RPTOR: variants seen among roughly 807,000 people sequenced by gnomAD.
The protein encoded by RPTOR is regulatory-associated protein of mTOR.
Under a neutral mutation model 169.9 loss-of-function variants are expected in RPTOR, and 21 were observed. That is an observed-to-expected ratio of 0.12 (90% confidence interval 0.09 to 0.18). RPTOR has a LOEUF of 0.18. Ranked by LOEUF, RPTOR falls within the 10% of genes least tolerant of loss-of-function variation. The pLI is 1.00. For synonymous variants in RPTOR, 732 were observed against 753.2 expected, an observed-to-expected ratio of 0.97 and a Z score of 0.46; for missense variants, 1,133 against 1,855.9, an observed-to-expected ratio of 0.61 and a Z score of 7.16.
chr17:80,703,702 A>ACTGC (rs1425106909), intron 3 of RPTOR, among the ~76,000 whole-genome samples: 1 of 152,214 alleles, frequency 6.6e-6, no homozygotes, highest in Non-Finnish European at 1.5e-5. Flanking sequence ...GGGCCCCAGT[A>ACTGC]CTGCCGGAGG....
At chr17:80,745,565 CAT>C (rs1359847624) in intron 5 of RPTOR, among the ~76,000 whole-genome samples, 3 of 152,200 alleles carry the variant, frequency 2.0e-5, no homozygotes, top group African/African-American at 7.2e-5. Context: ...CTGTGTGTCA[CAT>C]GATAGATGCC....
chr17:80,832,900 C>A (rs73366901), intron 9 of RPTOR, among the ~76,000 whole-genome samples: 49 of 152,326 alleles, frequency 3.2e-4, no homozygotes, highest in Middle Eastern at 3.4e-3. Context: ...AAAGAGGGAA[C>A]AAAGCCTAAC....
intron 21 of RPTOR, among the ~76,000 whole-genome samples, chr17:80,913,754 G>A (rs1438058061): frequency 1.3e-5 from 2 of 152,150 alleles, no homozygotes; most frequent in African/African-American, 2.4e-5. Flanking sequence ...CACCTGGCCT[G>A]CTTTTAGGTT....
chr17:80,655,693 G>A (rs2065674454), intron 3 of RPTOR, among the ~76,000 whole-genome samples: 1 of 151,862 alleles, frequency 6.6e-6, no homozygotes, highest in Admixed American at 6.6e-5. Context: ...TCCTGCCTCA[G>A]CCTCAGGAGT....
intron 1 of RPTOR, among the ~76,000 whole-genome samples, chr17:80,605,993 C>T (rs560783721): frequency 6.4e-4 from 98 of 152,212 alleles, no homozygotes; most frequent in Non-Finnish European, 1.1e-3. Flanking sequence ...GTTTTCTATG[C>T]GTGTCTCTTA....
chr17:80,571,567 C>A (rs1486864334), intron 1 of RPTOR, among the ~76,000 whole-genome samples: 1 of 152,152 alleles, frequency 6.6e-6, no homozygotes, highest in African/African-American at 2.4e-5. Flanking sequence ...GTCTCCCAGA[C>A]TGGAGTGCGG....
At chr17:80,773,985 G>A (rs58119287) in intron 6 of RPTOR, 69 of 985,386 alleles carry the variant, frequency 7.0e-5, no homozygotes, top group South Asian at 6.1e-4. Flanking sequence ...CCCTCTTCTC[G>A]GGCTGTCAGA....
At position 80,726,460 on chromosome 17, in the gene RPTOR, C is replaced by T. The variant is rs1292510163; in HGVS notation, c.508-4100C>T. Among the ~76,000 whole-genome samples the T allele has an allele frequency of 7.9e-6, 1 of 127,276 alleles. No homozygotes were observed. Among genetic ancestry groups the T allele is most frequent in the Non-Finnish European group, 1.7e-5 (1 of 57,658 alleles). The allele number at this position is 127,276 out of a possible 152,430, so 83.5% of individuals were successfully genotyped here. A position where few individuals can be genotyped will look rare whatever the true frequency, so the allele number is the denominator to read the frequency against. On this transcript the variant is annotated intron_variant, in intron 4 of 33. Transcript: ENST00000306801. This position sits in a 1 kb window ranked among gnomAD's most constrained non-coding sequence, Gnocchi z 4.5. ...GGTTATGACGGATCATCTTCCTGAA[C>T]TTTGCATCTCAGAATTTAAAATGGA...
chr17:80,710,360 G>A (rs978720158), intron 4 of RPTOR, among the ~76,000 whole-genome samples: 15 of 152,072 alleles, frequency 9.9e-5, no homozygotes, highest in African/African-American at 3.6e-4. Flanking sequence ...GTGGAGTGAA[G>A]TGGGGACTGG....
At chr17:80,696,203 T>G (rs1232136301) in intron 3 of RPTOR, among the ~76,000 whole-genome samples, 1 of 152,156 alleles carries the variant, frequency 6.6e-6, no homozygotes, top group Non-Finnish European at 1.5e-5. Flanking sequence ...TGTTTTTTCA[T>G]TAAGAGATTT....
At chr17:80,798,688 G>A (rs574058094) in intron 7 of RPTOR, among the ~76,000 whole-genome samples, 15 of 152,306 alleles carry the variant, frequency 9.8e-5, no homozygotes, top group African/African-American at 3.6e-4. Context: ...CCTGGCCACA[G>A]GGCTGAGCCA....
intron 3 of RPTOR, among the ~76,000 whole-genome samples, chr17:80,687,727 A>G (rs2065959485): frequency 6.6e-6 from 1 of 152,118 alleles, no homozygotes. Context: ...GGTGTTGATG[A>G]TCTCCGAGGC....
At chr17:80,750,738 G>A (rs1028792416) in intron 5 of RPTOR, among the ~76,000 whole-genome samples, 1 of 152,150 alleles carries the variant, frequency 6.6e-6, no homozygotes, top group Non-Finnish European at 1.5e-5. Flanking sequence ...ATGGAGCCCA[G>A]AGCCCAGGAA....
intron 1 of RPTOR, among the ~76,000 whole-genome samples, chr17:80,568,909 G>A (rs918630448): frequency 6.4e-4 from 97 of 152,266 alleles, no homozygotes; most frequent in Middle Eastern, 3.4e-3. Context: ...GAACTCCTGG[G>A]CTGAAGTGAC....
In RPTOR at chr17:80,965,468, C is replaced by G. The variant is rs1484143634; in HGVS notation, c.*1138C>G. The G allele has an allele frequency of 8.6e-6, 2 of 233,388 alleles. No homozygotes were observed. The highest frequency in any genetic ancestry group is 4.4e-5 in the African/African-American group (2 of 45,486). 14.5% of individuals were successfully genotyped at this position (233,388 alleles called of 1,614,324 possible). ...TGTGGACAGTCCCGCCCAGGAGGGG[C>G]CGCAGGGCGTGTATGAGCAGTTTTG... On this transcript the variant is annotated 3_prime_UTR_variant, in exon 34 of 34. Transcript: ENST00000306801.
At chr17:80,908,759 G>T in intron 20 of RPTOR, 52 bp from the exon 21 acceptor site, 1 of 1,331,460 alleles carries the variant, frequency 7.5e-7, no homozygotes, top group South Asian at 1.2e-5. Flanking sequence ...CGCCTTAGGA[G>T]CCTCATTGGC....
In RPTOR at chr17:80,665,474, TTTCC is replaced by T. The variant is rs1567846504; in HGVS notation, c.348+21667_348+21670del. Reference sequence around the variant, plus strand: ...TTTCCTTTCCTTTCCTTTCCTTTCCTTTCCTTTCCTTTCCTTTCCTTTCCTTTCC... The same window carrying T: ...TTTCCTTTCCTTTCCTTTCCTTTCCTTTTCCTTTCCTTTCCTTTCCTTTCC... On this transcript the variant is annotated intron_variant, in intron 3 of 33. Transcript: ENST00000306801. Among the ~76,000 whole-genome samples, 7 of 39,412 alleles carry T rather than the reference TTTCC, an allele frequency of 1.8e-4. 2 individuals carry two copies. Among genetic ancestry groups the T allele is most frequent in the African/African-American group, 1.5e-3 (5 of 3,430 alleles). 25.9% of individuals were successfully genotyped at this position (39,412 alleles called of 152,430 possible).
intron 17 of RPTOR, among the ~76,000 whole-genome samples, chr17:80,889,354 C>G (rs1210400906): frequency 1.3e-5 from 2 of 152,126 alleles, no homozygotes; most frequent in African/African-American, 4.8e-5. Flanking sequence ...AAGTATGAGT[C>G]CAGGCAAAGC....
At chr17:80,870,355 A>C (rs910476862) in intron 13 of RPTOR, among the ~76,000 whole-genome samples, 1 of 152,152 alleles carries the variant, frequency 6.6e-6, no homozygotes, top group African/African-American at 2.4e-5. Flanking sequence ...AGAGTCATAG[A>C]ATTTTGTTTC....
Sources: gnomAD v4.1 joint callset for allele counts (sites outside exome capture counted in the v4.1 genomes callset) on GRCh38, gnomAD v4.1.1 for gene constraint, Gnocchi (gnomAD v3.1) non-coding constraint, MANE v1.5 for transcripts, NCBI Gene and HGNC (gene_info 2026-07-23, HGNC 2026-07-21) for gene names.